NTRK2: variants seen among roughly 807,000 people sequenced by gnomAD.
NTRK2 encodes the protein BDNF/NT-3 growth factors receptor.
Under a neutral mutation model 94.5 loss-of-function variants are expected in NTRK2, and 13 were observed. The ratio of observed to expected loss-of-function variants is 0.14; its 90% confidence interval spans 0.09 to 0.22. NTRK2 has a LOEUF of 0.22. Among genes scored for constraint, NTRK2 ranks in the 10% least tolerant of loss-of-function variants. NTRK2 has a pLI of 1.00. For missense variants in NTRK2, 639 were observed against 1,071.2 expected (o/e 0.60, Z 5.63); for synonymous variants, 372 against 407.4 (o/e 0.91, Z 1.05).
intron 4 of NTRK2, among the ~76,000 whole-genome samples, chr9:84,704,179 T>C (rs2060898156): frequency 6.6e-6 from 1 of 152,098 alleles, no homozygotes; most frequent in East Asian, 1.9e-4. Flanking sequence ...AAAGCCACTT[T>C]GTATATTTTT....
chr9:84,872,741 T>G (rs2132122161), intron 14 of NTRK2: 1 of 1,065,194 alleles, frequency 9.4e-7, no homozygotes, highest in African/African-American at 1.6e-5. Flanking sequence ...TGTGCATATG[T>G]GTTTTCCTAG....
At chr9:84,672,312 A>G (rs553079338) in intron 2 of NTRK2, among the ~76,000 whole-genome samples, 3 of 151,994 alleles carry the variant, frequency 2.0e-5, no homozygotes, top group Admixed American at 6.6e-5. Flanking sequence ...GGAGCAGCCA[A>G]CTGTCGGGCT....
At chr9:84,735,287 GC>G (rs1421042925) in intron 9 of NTRK2, among the ~76,000 whole-genome samples, 6 of 152,100 alleles carry the variant, frequency 3.9e-5, no homozygotes, top group African/African-American at 1.4e-4. Flanking sequence ...TTAAATCAGG[GC>G]TTCTCGAACT....
chr9:84,914,202 T>A (rs572711662), intron 14 of NTRK2, among the ~76,000 whole-genome samples: 1 of 152,304 alleles, frequency 6.6e-6, no homozygotes, highest in Non-Finnish European at 1.5e-5. Flanking sequence ...TTTATATTTC[T>A]TTCCCGGCAC....
At chr9:84,988,471 C>T (rs1828640007) in intron 17 of NTRK2, among the ~76,000 whole-genome samples, 1 of 152,174 alleles carries the variant, frequency 6.6e-6, no homozygotes, top group Non-Finnish European at 1.5e-5. Flanking sequence ...CACTCACTTA[C>T]ACACTCATTC....
At chr9:84,951,529 G>T (rs1268357462) in intron 16 of NTRK2, among the ~76,000 whole-genome samples, 1 of 151,268 alleles carries the variant, frequency 6.6e-6, no homozygotes, top group African/African-American at 2.5e-5. Flanking sequence ...CTCACAGTGT[G>T]TCTGTACATA....
rs528129468 is a variant in NTRK2, at chr9:84,690,730, T to A, written c.213-11429T>A. On this transcript the variant is annotated intron_variant, in intron 2 of 18. Transcript: ENST00000277120. ...TGAGACTCCATCTCAAAAAAAAAAATAAAAAAAATGATAATTTATATGTTA... is the reference window on the plus strand; with the variant it reads ...TGAGACTCCATCTCAAAAAAAAAAAAAAAAAAAATGATAATTTATATGTTA... Among the ~76,000 whole-genome samples the A allele has an allele frequency of 3.3e-4, 50 of 150,730 alleles. No individual in the cohort carries two copies. The South Asian group carries it at 5.5e-3, about 16-fold the overall frequency.
chr9:84,971,818 T>A (rs1445180151), intron 17 of NTRK2, among the ~76,000 whole-genome samples: 1 of 152,058 alleles, frequency 6.6e-6, no homozygotes, highest in Non-Finnish European at 1.5e-5. Context: ...GTGAAAAGAC[T>A]TATAAGCTAT....
chr9:84,965,944 G>A (rs181166691), intron 17 of NTRK2, among the ~76,000 whole-genome samples: 169 of 152,232 alleles, frequency 1.1e-3, no homozygotes, highest in Non-Finnish European at 2.1e-3. Context: ...TTACATCAAC[G>A]TAGCATAATA....
At chr9:84,762,006 G>A (rs369636612) in intron 12 of NTRK2, among the ~76,000 whole-genome samples, 41 of 152,178 alleles carry the variant, frequency 2.7e-4, no homozygotes, top group African/African-American at 7.9e-4. Flanking sequence ...TAGTGAATAA[G>A]TCTCACACGA....
intron 2 of NTRK2, among the ~76,000 whole-genome samples, chr9:84,679,933 A>G (rs996686437): frequency 6.6e-6 from 1 of 152,000 alleles, no homozygotes; most frequent in Non-Finnish European, 1.5e-5. Flanking sequence ...CCCTGGGAGT[A>G]GTGTTCAAGA....
intron 8 of NTRK2, among the ~76,000 whole-genome samples, chr9:84,725,640 T>TTATATATATTATATATATATTATGTA (rs2062395546): frequency 1.3e-5 from 2 of 148,166 alleles, no homozygotes; most frequent in Non-Finnish European, 3.0e-5. Context: ...TATATGTACA[T>TTATATATATTATATATATATTATGTA]TATATATATT....
intron 12 of NTRK2, among the ~76,000 whole-genome samples, chr9:84,758,140 T>A (rs1224480781): frequency 6.6e-6 from 1 of 151,758 alleles, no homozygotes; most frequent in African/African-American, 2.4e-5. Context: ...ATATATATAT[T>A]TATTTATTCA....
At chr9:84,853,809 T>C (rs548799645) in intron 12 of NTRK2, among the ~76,000 whole-genome samples, 118 of 151,854 alleles carry the variant, frequency 7.8e-4, no homozygotes, top group Non-Finnish European at 1.3e-3. Flanking sequence ...GGTCTGGGGG[T>C]GGTGGCTCAT....
At chr9:84,934,905 C>T (rs17087885) in intron 15 of NTRK2, among the ~76,000 whole-genome samples, 6,726 of 152,226 alleles carry the variant, frequency 0.044, 417 homozygotes, top group African/African-American at 0.14. Context: ...ATCATAGTCA[C>T]GTCCTCATAA....
At chr9:84,709,369 A>G (rs1048700123) in intron 5 of NTRK2, among the ~76,000 whole-genome samples, 1 of 152,166 alleles carries the variant, frequency 6.6e-6, no homozygotes, top group Non-Finnish European at 1.5e-5. Flanking sequence ...TTAGTTTTGC[A>G]TGTACTCAGA....
At chr9:84,872,158 C>A (rs1377368872) in intron 14 of NTRK2, 9 of 1,209,658 alleles carry the variant, frequency 7.4e-6, no homozygotes, top group Non-Finnish European at 9.4e-6. Flanking sequence ...TGTCTGAACA[C>A]CACATCACCT....
chr9:84,685,176 G>A (rs903747962), intron 2 of NTRK2, among the ~76,000 whole-genome samples: 1 of 149,962 alleles, frequency 6.7e-6, no homozygotes, highest in African/African-American at 2.5e-5. Context: ...TTTTTTTTCA[G>A]TATAGCCAAT....
intron 14 of NTRK2, among the ~76,000 whole-genome samples, chr9:84,921,406 G>A (rs1250531238): frequency 6.6e-6 from 1 of 152,174 alleles, no homozygotes; most frequent in African/African-American, 2.4e-5. Flanking sequence ...TCTGCCCTCA[G>A]CTCATAAACT....
Sources: gnomAD v4.1 joint callset for allele counts (sites outside exome capture counted in the v4.1 genomes callset) on GRCh38, gnomAD v4.1.1 for gene constraint, MANE v1.5 for transcripts, NCBI Gene and HGNC (gene_info 2026-07-23, HGNC 2026-07-21) for gene names.